The following ABCA8 variants were observed in gnomAD, a reference collection of about 807,000 sequenced individuals.
The protein encoded by ABCA8 is ABC-type organic anion transporter ABCA8.
Under a neutral mutation model 192.3 loss-of-function variants are expected in ABCA8, and 177 were observed. The ratio of observed to expected loss-of-function variants is 0.92; its 90% CI spans 0.81 to 1.04. ABCA8 has a LOEUF of 1.04. Among genes scored for constraint, ABCA8 ranks in the 50% least tolerant of loss-of-function variants. ABCA8 has a pLI of 0.00. For missense variants in ABCA8, 1,915 were observed against 1,904.8 expected, an observed-to-expected ratio of 1.01 and a Z score of -0.10; for synonymous variants, 642 against 690.2, an observed-to-expected ratio of 0.93 and a Z score of 1.09.
chr17:68,928,122 T>G, intron 9 of ABCA8, 59 bp from the exon 10 acceptor site: 1 of 1,387,980 alleles, frequency 7.2e-7, no homozygotes, highest in Non-Finnish European at 9.9e-7. Flanking sequence ...TTTTAAACAG[T>G]TAGGTTTAGC....
intron 21 of ABCA8, among the ~76,000 whole-genome samples, chr17:68,895,719 A>G (rs2066734445): frequency 6.6e-6 from 1 of 152,118 alleles, no homozygotes; most frequent in African/African-American, 2.4e-5. Context: ...GGGCTATAGT[A>G]TCTTCACGGG....
rs150810458 is a variant in ABCA8, at chr17:68,922,163, C to T, written c.1501+79G>A. 6.3e-4 allele frequency: 571 copies of T among 902,254 alleles called. 3 individuals are homozygous for T. The African/African-American group carries it at 0.01, about 16-fold the overall frequency. 55.9% of individuals were successfully genotyped at this position (902,254 alleles called of 1,614,324 possible). A position where few individuals can be genotyped will look rare whatever the true frequency, so the allele number is the denominator to read the frequency against. The stretch of plus-strand genomic sequence containing the variant: ...CTGAATTAAAATCAGGAAATCAATA[C>T]TAATATAACAAATATTTTCTTTCTC... On this transcript the variant is annotated intron_variant, in intron 12 of 39. Coordinates refer to ENST00000586539, the MANE Select transcript of ABCA8 (RefSeq NM_001288985.2).
intron 21 of ABCA8, among the ~76,000 whole-genome samples, chr17:68,899,737 T>C (rs2066859205): frequency 6.6e-6 from 1 of 152,038 alleles, no homozygotes. Flanking sequence ...TCCAAAACGG[T>C]TGAAATTTTA....
chr17:68,921,888 C>T (rs2067542442), intron 12 of ABCA8, among the ~76,000 whole-genome samples: 1 of 151,862 alleles, frequency 6.6e-6, no homozygotes, highest in Non-Finnish European at 1.5e-5. Context: ...GAAAAACATA[C>T]AGTATCTACC....
chr17:68,877,834 T>C, intron 32 of ABCA8, 155 bp from the exon 33 acceptor site: 1 of 727,960 alleles, frequency 1.4e-6, no homozygotes, highest in South Asian at 3.3e-5. Context: ...GGAGAAAGGT[T>C]GTCAGAGAGC....
At chr17:68,903,525 A>C in intron 19 of ABCA8, 26 bp from the exon 20 acceptor site, 1 of 1,608,480 alleles carries the variant, frequency 6.2e-7, no homozygotes, top group Non-Finnish European at 8.5e-7. Flanking sequence ...TAAGCAACTC[A>C]TATGTACTTT....
chr17:68,918,123 G>A lies in ABCA8; in HGVS notation c.1971C>T (p.Asn657=), dbSNP rs201481801. Residue 657 remains asparagine (N), a synonymous_variant, in exon 16 of 40, where the codon AAC becomes AAT. Coordinates refer to ENST00000586539, the MANE Select transcript of ABCA8 (RefSeq NM_001288985.2). ...LDPFSRHQVW[N]LLKERKTDRV... ...GGTCTGTTTTGCGTTCTTTCAGAAG[G>A]TTCCATACTTGGTGTCTTGAAAAGG... The A allele has an allele frequency of 3.7e-6, 6 of 1,614,038 alleles. No individual in the cohort carries two copies. The highest frequency in any genetic ancestry group is 5.1e-6 in the Non-Finnish European group (6 of 1,180,016).
At chr17:68,903,569 C>G (rs3744494) in intron 19 of ABCA8, 70 bp from the exon 20 acceptor site, 638,803 of 1,456,406 alleles carry the variant, frequency 0.44, 143,260 homozygotes, top group East Asian at 0.56. Context: ...CTCTGCTAAG[C>G]ATCTCATGAT....
intron 37 of ABCA8, 45 bp from the exon 38 acceptor site, chr17:68,869,824 G>GTTCAC: frequency 8.3e-7 from 1 of 1,210,030 alleles, no homozygotes; most frequent in Non-Finnish European, 1.2e-6. Context: ...ACTTGTGCCA[G>GTTCAC]ATGTGAACTG....
Position 68,918,495 on chromosome 17 carries a change from C to G in ABCA8, c.1840G>C (p.Ala614Pro), listed in dbSNP as rs572010938. ...TTCTGTCCACCACTTAAGTTTTGAG[C>G]AAGAACATCCTGAATATTTTTCATT... Reference protein sequence around the residue: ...LEMKNIQDVLAQNLSGGQKRK... With the variant: ...LEMKNIQDVLPQNLSGGQKRK... The change falls in exon 15 of 40, where the codon GCT becomes CCT. Residue 614 changes from alanine to proline, a missense_variant. By Grantham distance (27) the Ala-to-Pro change is conservative. Transcript: ENST00000586539. 61 of 1,535,822 alleles carry G rather than the reference C, an allele frequency of 4.0e-5. No homozygotes were observed. In the Admixed American group the frequency reaches 4.2e-4, roughly 11 times the overall value.
At chr17:68,908,263 C>T (rs1327582415) in intron 17 of ABCA8, among the ~76,000 whole-genome samples, 2 of 152,126 alleles carry the variant, frequency 1.3e-5, no homozygotes, top group African/African-American at 4.8e-5. Context: ...GTTGAAGGTT[C>T]AGTTTTAAGC....
chr17:68,916,134 G>A (rs949340133), intron 17 of ABCA8, among the ~76,000 whole-genome samples: 3 of 152,008 alleles, frequency 2.0e-5, no homozygotes, highest in African/African-American at 7.2e-5. Flanking sequence ...AAGGGTAGTG[G>A]GGTGGTGGGG....
At chr17:68,906,777 AT>A (rs1321588348) in intron 18 of ABCA8, among the ~76,000 whole-genome samples, 2 of 152,188 alleles carry the variant, frequency 1.3e-5, no homozygotes, top group Admixed American at 1.3e-4. Context: ...CGCTCTAGCA[AT>A]TTTATATCTA....
At chr17:68,871,614 G>T (rs1361781342) in intron 37 of ABCA8, among the ~76,000 whole-genome samples, 2 of 151,794 alleles carry the variant, frequency 1.3e-5, no homozygotes, top group Non-Finnish European at 2.9e-5. Flanking sequence ...TTTGCTACTG[G>T]AGTTTAGGAA....
intron 21 of ABCA8, among the ~76,000 whole-genome samples, chr17:68,897,828 A>T (rs919138376): frequency 1.4e-4 from 21 of 152,142 alleles, no homozygotes; most frequent in African/African-American, 4.6e-4. Context: ...AACAACAATA[A>T]AAAAACAGAA....
chr17:68,908,293 T>G (rs1036907366), intron 17 of ABCA8, among the ~76,000 whole-genome samples: 1 of 152,214 alleles, frequency 6.6e-6, no homozygotes, highest in East Asian at 1.9e-4. Context: ...AGAATTGTTG[T>G]ATCGCTTCAA....
At chr17:68,903,276 A>G in intron 20 of ABCA8, 25 bp downstream of exon 20, 3 of 1,610,738 alleles carry the variant, frequency 1.9e-6, no homozygotes, top group Non-Finnish European at 2.5e-6. Flanking sequence ...TTAAAAAGAA[A>G]ACCTATGGCA....
At chr17:68,897,863 T>G (rs1357557081) in intron 21 of ABCA8, among the ~76,000 whole-genome samples, 1 of 152,154 alleles carries the variant, frequency 6.6e-6, no homozygotes, top group East Asian at 1.9e-4. Context: ...GGGACATTAT[T>G]AATCACATTA....
intron 9 of ABCA8, among the ~76,000 whole-genome samples, 194 bp from the exon 10 acceptor site, chr17:68,928,257 T>G (rs1423469643): frequency 1.3e-5 from 2 of 152,196 alleles, no homozygotes; most frequent in Non-Finnish European, 2.9e-5. Flanking sequence ...TAGAATGCAA[T>G]TTAGTAATTG....
Sources: allele counts gnomAD v4.1 joint callset (sites outside exome capture counted in the v4.1 genomes callset), GRCh38; gene constraint gnomAD v4.1.1; transcripts MANE v1.5; gene names NCBI Gene and HGNC (gene_info 2026-07-23, HGNC 2026-07-21).